LIN54: variants seen among roughly 807,000 people sequenced by gnomAD.
LIN54 encodes the protein protein lin-54 homolog.
A neutral mutation model predicts 78.7 loss-of-function variants in LIN54; 9 were observed. That is an observed-to-expected ratio of 0.11 (90% CI 0.07 to 0.20). The LOEUF is 0.20. LIN54 is among the 10% of genes least tolerant of loss of function. LIN54 has a pLI of 1.00. For synonymous variants in LIN54, 269 were observed against 318.4 expected (o/e 0.84, Z 1.65); for missense variants, 573 against 889.9 (o/e 0.64, Z 4.53).
rs1237186376 is a variant in LIN54, at chr4:82,964,955, G to A, written c.951+5372C>T. On this transcript the variant is annotated intron_variant, in intron 4 of 12. Coordinates refer to ENST00000340417, the MANE Select transcript of LIN54 (RefSeq NM_194282.4). ...AGAGGTTGCAGTGAGCCAAGATCGC[G>A]CCACTGCACTCCAGCATGGGCAACA... is the stretch of plus-strand genomic sequence containing the variant. 4.6e-5 allele frequency among the ~76,000 whole-genome samples: 7 copies of A among 152,188 alleles called. No individual in the cohort carries two copies. In the East Asian group the frequency reaches 1.2e-3, roughly 25 times the overall value.
chr4:82,942,912 C>A (rs534558273), intron 5 of LIN54, among the ~76,000 whole-genome samples: 110 of 148,882 alleles, frequency 7.4e-4, no homozygotes, highest in Non-Finnish European at 1.5e-3. Flanking sequence ...CCTCCCTGGC[C>A]CGGTAAAGAA....
intron 1 of LIN54, among the ~76,000 whole-genome samples, chr4:83,003,125 C>T (rs1287742721): frequency 5.3e-5 from 8 of 152,042 alleles, no homozygotes; most frequent in South Asian, 2.1e-4. Context: ...GTGATTCTCC[C>T]GCCTCAGCCT....
At chr4:82,962,469 A>G (rs925424741) in intron 4 of LIN54, among the ~76,000 whole-genome samples, 1 of 152,198 alleles carries the variant, frequency 6.6e-6, no homozygotes, top group African/African-American at 2.4e-5. Context: ...ATAAAATGAG[A>G]GCCAGACTCA....
At chr4:82,934,838 C>G (rs1722259569) in intron 11 of LIN54, among the ~76,000 whole-genome samples, 1 of 152,162 alleles carries the variant, frequency 6.6e-6, no homozygotes, top group Non-Finnish European at 1.5e-5. Flanking sequence ...TTCAGGCATA[C>G]CAAGAAACCA....
chr4:82,993,499 T>C (rs1358692429), intron 1 of LIN54, among the ~76,000 whole-genome samples: 3 of 151,844 alleles, frequency 2.0e-5, no homozygotes, highest in African/African-American at 4.8e-5. Context: ...ATCACAGCGG[T>C]GAGCCACCGC....
At chr4:82,974,101 T>A (rs1188649155) in intron 3 of LIN54, among the ~76,000 whole-genome samples, 2 of 151,936 alleles carry the variant, frequency 1.3e-5, no homozygotes, top group Admixed American at 1.3e-4. Context: ...TCCCAGCTAC[T>A]TGGGAGGCTG....
At chr4:82,928,650 C>A (rs1271414825) in intron 12 of LIN54, among the ~76,000 whole-genome samples, 3 of 152,170 alleles carry the variant, frequency 2.0e-5, no homozygotes, top group African/African-American at 7.2e-5. Context: ...TCTGTAAGTT[C>A]AATTCTTATT....
intron 5 of LIN54, among the ~76,000 whole-genome samples, chr4:82,942,266 C>A (rs913405526): frequency 5.3e-5 from 8 of 152,042 alleles, no homozygotes; most frequent in Non-Finnish European, 1.0e-4. Flanking sequence ...AGCAAGGTGA[C>A]AAACTAGGGT....
At chr4:83,009,734 A>G (rs998030021) in intron 1 of LIN54, among the ~76,000 whole-genome samples, 1 of 152,220 alleles carries the variant, frequency 6.6e-6, no homozygotes, top group African/African-American at 2.4e-5. Context: ...CTCACAACAA[A>G]TGCTTGCATC....
intron 5 of LIN54, 84 bp downstream of exon 5, chr4:82,946,174 A>G (rs1723344458): frequency 8.2e-7 from 1 of 1,214,886 alleles, no homozygotes; most frequent in Non-Finnish European, 1.2e-6. Flanking sequence ...GCCACTCTTC[A>G]TCAGGATTTC....
intron 4 of LIN54, among the ~76,000 whole-genome samples, chr4:82,946,777 G>C (rs73830409): frequency 0.012 from 1,865 of 152,040 alleles, 34 homozygotes; most frequent in African/African-American, 0.043. Context: ...TTAATATCAG[G>C]TAAAATTTAT....
intron 4 of LIN54, among the ~76,000 whole-genome samples, chr4:82,952,647 G>C (rs1462026955): frequency 1.3e-5 from 2 of 152,190 alleles, no homozygotes; most frequent in Non-Finnish European, 2.9e-5. Context: ...GTCTTGAAGA[G>C]ATATTTGTAA....
chr4:83,012,009 AT>A, upstream of LIN54: 3 of 984,988 alleles, frequency 3.0e-6, no homozygotes, highest in Non-Finnish European at 3.6e-6. Flanking sequence ...AAGTCATTTC[AT>A]TTCCCTACCT....
At chr4:82,970,810 C>G (rs1406134019) in intron 3 of LIN54, among the ~76,000 whole-genome samples, 2 of 152,178 alleles carry the variant, frequency 1.3e-5, no homozygotes, top group Non-Finnish European at 2.9e-5. Flanking sequence ...GAACCCAAGT[C>G]TTAAAACTTC....
intron 1 of LIN54, among the ~76,000 whole-genome samples, chr4:82,994,402 A>ATT (rs34982646): frequency 2.3e-4 from 34 of 147,520 alleles, no homozygotes; most frequent in East Asian, 9.9e-4. Flanking sequence ...TTTTAAAAGA[A>ATT]TTTTTTTTTT....
intron 3 of LIN54, among the ~76,000 whole-genome samples, chr4:82,975,865 G>A (rs1012996027): frequency 6.6e-6 from 1 of 152,126 alleles, no homozygotes; most frequent in Non-Finnish European, 1.5e-5. Flanking sequence ...TTTAACAGAA[G>A]TTTAAGATAA....
At chr4:82,930,283 A>G (rs1721844603) in intron 12 of LIN54, among the ~76,000 whole-genome samples, 1 of 152,220 alleles carries the variant, frequency 6.6e-6, no homozygotes, top group South Asian at 2.1e-4. Context: ...AAACTTTCTA[A>G]TACCAGTCCA....
At chr4:82,987,430 C>T (rs1405558933) in intron 1 of LIN54, among the ~76,000 whole-genome samples, 2 of 152,080 alleles carry the variant, frequency 1.3e-5, no homozygotes, top group Non-Finnish European at 1.5e-5. Flanking sequence ...AAAAAACAAA[C>T]GGGATACATG....
chr4:83,008,450 A>G (rs1381680980), intron 1 of LIN54, among the ~76,000 whole-genome samples: 1 of 152,122 alleles, frequency 6.6e-6, no homozygotes, highest in Non-Finnish European at 1.5e-5. Flanking sequence ...GGAGATGGAG[A>G]CCTTCCTGGC....
Sources: allele counts gnomAD v4.1 joint callset (sites outside exome capture counted in the v4.1 genomes callset), GRCh38; gene constraint gnomAD v4.1.1; transcripts MANE v1.5; gene names NCBI Gene and HGNC (gene_info 2026-07-23, HGNC 2026-07-21).